The following ATM variants were observed in gnomAD, a reference collection of about 807,000 sequenced individuals.
ATM encodes serine-protein kinase ATM.
In ATM, 308 loss-of-function variants were observed where a neutral mutation model predicts 387.0. The ratio of observed to expected loss-of-function variants is 0.80; its 90% CI spans 0.73 to 0.87. ATM has a LOEUF of 0.87. Among genes scored for constraint, ATM ranks in the 40% least tolerant of loss-of-function variants. The pLI is 0.00. For missense variants in ATM, 3,312 were observed against 3,560.9 expected, an observed-to-expected ratio of 0.93 and a Z score of 1.78; for synonymous variants, 1,156 against 1,187.3, an observed-to-expected ratio of 0.97 and a Z score of 0.54.
rs2087821053 is a variant in ATM, at chr11:108,343,273, G to C, written c.8320G>C (p.Val2774Leu). 1.2e-6 allele frequency: 2 copies of C among 1,614,012 alleles called. No homozygotes were observed. The highest frequency in any genetic ancestry group is 1.7e-6 in the Non-Finnish European group (2 of 1,179,922). Residue 2774 changes from valine (V) to leucine (L), a missense_variant, in exon 57 of 63, where the codon GTC becomes CTC. By Grantham distance (32) the Val-to-Leu change is conservative (BLOSUM62 1). This residue lies in a region of ATM where 1,405 missense variants were observed against 1,604.4 expected (regional missense o/e 0.88). Transcript: ENST00000675843. ...SGVLEWCTGT[V>L]PIGEFLVNNE... The stretch of plus-strand genomic sequence containing the variant: ...TGTTCTTGAATGGTGCACAGGAACT[G>C]TCCCCATTGGTGAATTTCTTGTTAA...
At position 108,256,349 on chromosome 11, in the gene ATM, A is replaced by ACTTT. The variant is rs756055418; in HGVS notation, c.2250+9_2250+10insCTTT. ...TATTCCAGAAAGCCAAGGTAGGAGA[A>ACTTT]TTTATACTAATAAAGTTTCGGATAA... On this transcript the variant is annotated intron_variant, in intron 14 of 62. Coordinates refer to ENST00000675843, the MANE Select transcript of ATM (RefSeq NM_000051.4). 1 of 1,606,080 alleles carries ACTTT rather than the reference A, an allele frequency of 6.2e-7. No homozygotes were observed. The highest frequency in any genetic ancestry group is 8.5e-7 in the Non-Finnish European group (1 of 1,174,550).
intron 40 of ATM, among the ~76,000 whole-genome samples, chr11:108,313,603 C>G (rs990160289): frequency 1.3e-5 from 2 of 152,166 alleles, no homozygotes; most frequent in African/African-American, 2.4e-5. Flanking sequence ...TGATTTTTCT[C>G]CTTTCACTTT....
chr11:108,257,484 C>G lies in ATM; in HGVS notation c.2254C>G (p.Leu752Val), dbSNP rs756522395. Residue 752 changes from leucine (L) to valine (V), a missense_variant, in exon 15 of 63, where the codon CTA (leucine) becomes GTA (valine). Coordinates refer to ENST00000675843, the MANE Select transcript of ATM (RefSeq NM_000051.4). The stretch of plus-strand genomic sequence containing the variant: ...TTTTTCCTTCTATTCACAATAGTCT[C>G]TAATGCAATGTGCAGGAGAAAGTAT... ...KSELFQKAKS[L>V]MQCAGESITL... 4 of 1,612,948 alleles carry G rather than the reference C, an allele frequency of 2.5e-6. No individual in the cohort carries two copies. Among genetic ancestry groups the G allele is most frequent in the Non-Finnish European group, 3.4e-6 (4 of 1,179,668 alleles).
At chr11:108,232,479 AAAGGCAGCTGAG>A (rs1352330306) in intron 4 of ATM, among the ~76,000 whole-genome samples, 2 of 151,838 alleles carry the variant, frequency 1.3e-5, no homozygotes, top group African/African-American at 4.8e-5. Context: ...AAAAGAAGTA[AAAGGCAGCTGAG>A]AAGAAACAAG....
At chr11:108,321,495 A>T (rs1055471577) in intron 45 of ATM, 75 bp downstream of exon 45, 2 of 1,603,328 alleles carry the variant, frequency 1.2e-6, no homozygotes, top group South Asian at 2.2e-5. Context: ...AAAAATAAAA[A>T]CTATAGGCCG....
chr11:108,322,281 A>G (rs2085293115), intron 45 of ATM, among the ~76,000 whole-genome samples: 1 of 151,950 alleles, frequency 6.6e-6, no homozygotes, highest in South Asian at 2.1e-4. Flanking sequence ...CAGCCTCCCG[A>G]GTAGCTGGGA....
In ATM at chr11:108,287,685, G is replaced by A. The variant is rs764564211; in HGVS notation, c.4079G>A (p.Ser1360Asn). Residue 1360 changes from serine to asparagine, a missense_variant, in exon 27 of 63, where the codon AGT becomes AAT. By Grantham distance (46) the Ser-to-Asn change is conservative (BLOSUM62 1). This residue lies in a region of ATM where 1,791 missense variants were observed against 1,804.5 expected (regional missense o/e 0.99). Transcript: ENST00000675843. The stretch of plus-strand genomic sequence containing the variant: ...CATGAGCCAGCAAATTCTAGTGCCA[G>A]TCAGAGCACTGACCTCTGTGACTTT... ...TLHEPANSSA[S>N]QSTDLCDFSG... 11 of 1,613,392 alleles carry A rather than the reference G, an allele frequency of 6.8e-6. No homozygotes were observed. Among genetic ancestry groups the A allele is most frequent in the Admixed American group, 1.7e-5 (1 of 59,994 alleles).
At position 108,325,186 on chromosome 11, in the gene ATM, T is replaced by A. The variant is rs4988102; in HGVS notation, c.6573-124T>A. 1,526 of 673,500 alleles carry A rather than the reference T, an allele frequency of 2.3e-3. 18 individuals carry two copies. In the African/African-American group the frequency reaches 0.023, roughly 10 times the overall value. 41.7% of individuals were successfully genotyped at this position (673,500 alleles called of 1,614,324 possible). Reference sequence around the variant, plus strand: ...TAGGATTATTTACAAGTTCTAGTCTTGTCACTACAAAAGTTCCTTTGTATT... The same window carrying A: ...TAGGATTATTTACAAGTTCTAGTCTAGTCACTACAAAAGTTCCTTTGTATT... On this transcript the variant is annotated intron_variant, in intron 45 of 62. Coordinates refer to ENST00000675843, the MANE Select transcript of ATM (RefSeq NM_000051.4).
chr11:108,302,848 T>C lies in ATM; in HGVS notation c.5320-5T>C, dbSNP rs1555106308. ...ATTTACATTTTCTAATCCCTTTCTT[T>C]CTAGTTTTTAGAAGTACCCAGATTT... On this transcript the variant is annotated splice_polypyrimidine_tract_variant and splice_region_variant and intron_variant, in intron 35 of 62. Coordinates refer to ENST00000675843, the MANE Select transcript of ATM (RefSeq NM_000051.4). The C allele has an allele frequency of 1.9e-6, 3 of 1,607,838 alleles. No individual in the cohort carries two copies. Among genetic ancestry groups the C allele is most frequent in the Non-Finnish European group, 2.6e-6 (3 of 1,174,736 alleles).
At position 108,240,952 on chromosome 11, in the gene ATM, A is replaced by G. The variant is rs549072255; in HGVS notation, c.497-3001A>G. Among the ~76,000 whole-genome samples, 4 of 152,336 alleles carry G rather than the reference A, an allele frequency of 2.6e-5. No individual in the cohort carries two copies. In the South Asian group the frequency reaches 8.3e-4, roughly 32 times the overall value. On this transcript the variant is annotated intron_variant, in intron 5 of 62. Coordinates refer to ENST00000675843, the MANE Select transcript of ATM (RefSeq NM_000051.4). Reference sequence around the variant, plus strand: ...TAATAACACTTAGCTTAAAATACAAATGCATTGTACAGCTGTACAAAAATA... The same window carrying G: ...TAATAACACTTAGCTTAAAATACAAGTGCATTGTACAGCTGTACAAAAATA...
At chr11:108,262,512 C>T (rs1438654437) in intron 16 of ATM, among the ~76,000 whole-genome samples, 1 of 152,192 alleles carries the variant, frequency 6.6e-6, no homozygotes, top group Non-Finnish European at 1.5e-5. Context: ...ACAACCGGTA[C>T]CAGCCGCTGC....
At chr11:108,350,118 A>G (rs2089002814) in intron 59 of ATM, among the ~76,000 whole-genome samples, 1 of 152,230 alleles carries the variant, frequency 6.6e-6, no homozygotes, top group Non-Finnish European at 1.5e-5. Flanking sequence ...AGAAAGGGAT[A>G]AATAAATAAG....
rs1042288533 is a variant in ATM, at chr11:108,365,210, A to G, written c.8979A>G (p.Arg2993=). The stretch of plus-strand genomic sequence containing the variant: ...ATGCAGATGACCAAGAATGCAAACG[A>G]AATCTCAGGTGAGCAGTATTTTAAG... ...TLNADDQECK[R]NLSDIDQSFN... The change falls in exon 62 of 63, where the codon CGA becomes CGG. Residue 2993 remains arginine, a synonymous_variant. Transcript: ENST00000675843. The G allele has an allele frequency of 7.4e-6, 12 of 1,614,220 alleles. No individual in the cohort carries two copies. The highest frequency in any genetic ancestry group is 1.0e-5 in the Non-Finnish European group (12 of 1,180,042).
At chr11:108,258,188 A>G (rs1484310075) in intron 15 of ATM, among the ~76,000 whole-genome samples, 2 of 152,192 alleles carry the variant, frequency 1.3e-5, no homozygotes, top group African/African-American at 4.8e-5. Flanking sequence ...CAGCTACCAT[A>G]TCTGTTCACA....
chr11:108,263,006 C>G (rs1264851064), intron 16 of ATM, among the ~76,000 whole-genome samples: 11 of 152,122 alleles, frequency 7.2e-5, no homozygotes, highest in Admixed American at 2.6e-4. Flanking sequence ...GACCTACAAA[C>G]AGACTTAGAC....
At chr11:108,327,048 G>A (rs549009869) in intron 47 of ATM, among the ~76,000 whole-genome samples, 94 of 152,088 alleles carry the variant, frequency 6.2e-4, no homozygotes, top group Admixed American at 1.9e-3. Flanking sequence ...GACTGGTCTC[G>A]AACTCCTGAG....
intron 48 of ATM, among the ~76,000 whole-genome samples, chr11:108,328,497 C>T (rs1224094556): frequency 2.0e-5 from 3 of 152,184 alleles, no homozygotes; most frequent in East Asian, 3.9e-4. Flanking sequence ...CCACCTGCCT[C>T]GGCCTCCCAA....
intron 19 of ATM, 34 bp from the exon 20 acceptor site, chr11:108,271,217 A>G (rs1394539510): frequency 1.2e-6 from 2 of 1,612,714 alleles, no homozygotes; most frequent in Middle Eastern, 1.6e-4. Context: ...TGTTAAGCTT[A>G]TAAAGTTGAA....
intron 56 of ATM, 177 bp downstream of exon 56, chr11:108,336,138 A>AG (rs1425178553): frequency 1.8e-6 from 1 of 546,750 alleles, no homozygotes; most frequent in Non-Finnish European, 3.3e-6. Flanking sequence ...CTTGACAAAA[A>AG]GTTAAAAAAA....
Sources: gnomAD v4.1 joint callset for allele counts (sites outside exome capture counted in the v4.1 genomes callset) on GRCh38, gnomAD v4.1.1 for gene constraint, gnomAD v4.1.1 regional missense constraint, MANE v1.5 for transcripts, NCBI Gene and HGNC (gene_info 2026-07-23, HGNC 2026-07-21) for gene names.